The following FBXL17 variants were observed in gnomAD, a reference collection of about 807,000 sequenced individuals.
The protein encoded by FBXL17 is F-box/LRR-repeat protein 17.
A neutral mutation model predicts 66.2 loss-of-function variants in FBXL17; 22 were observed. That is an observed-to-expected ratio of 0.33 (90% CI 0.24 to 0.47). The LOEUF is 0.47. FBXL17 is among the 20% of genes least tolerant of loss of function. The pLI is 1.00. For missense variants in FBXL17, 878 were observed against 948.2 expected, an observed-to-expected ratio of 0.93 and a Z score of 0.97; for synonymous variants, 474 against 400.5, an observed-to-expected ratio of 1.18 and a Z score of -2.19.
intron 7 of FBXL17, among the ~76,000 whole-genome samples, chr5:108,008,731 A>G (rs1366788818): frequency 6.6e-6 from 1 of 152,008 alleles, no homozygotes; most frequent in Non-Finnish European, 1.5e-5. Context: ...GTTGCTCCCT[A>G]TACAAGTGCC....
intron 4 of FBXL17, among the ~76,000 whole-genome samples, chr5:108,336,310 C>T (rs926212533): frequency 1.3e-5 from 2 of 152,056 alleles, no homozygotes; most frequent in Non-Finnish European, 2.9e-5. Flanking sequence ...TTATTGGTAC[C>T]AAGAAGCAAA....
intron 7 of FBXL17, among the ~76,000 whole-genome samples, chr5:107,883,390 C>T (rs1050330113): frequency 6.6e-6 from 1 of 151,890 alleles, no homozygotes; most frequent in African/African-American, 2.4e-5. Flanking sequence ...AGTGGTGGAA[C>T]TGCAGTGTGA....
At chr5:108,204,904 A>G (rs1241955549) in intron 5 of FBXL17, among the ~76,000 whole-genome samples, 2 of 151,880 alleles carry the variant, frequency 1.3e-5, no homozygotes, top group Non-Finnish European at 2.9e-5. Context: ...TCGATTATCA[A>G]TATTTTGCAT....
chr5:108,042,885 C>A (rs1747106137), intron 6 of FBXL17, among the ~76,000 whole-genome samples: 1 of 152,126 alleles, frequency 6.6e-6, no homozygotes, highest in Admixed American at 6.5e-5. Context: ...TCTTAACATC[C>A]TCAACAGCAT....
At chr5:107,953,101 A>T (rs976853905) in intron 7 of FBXL17, among the ~76,000 whole-genome samples, 2 of 3,514 alleles carry the variant, frequency 5.7e-4, no homozygotes, top group Admixed American at 2.2e-3. Context: ...TTCATACTTT[A>T]AAAAAAAAAG....
At chr5:108,043,661 A>G (rs911387127) in intron 6 of FBXL17, among the ~76,000 whole-genome samples, 1 of 152,176 alleles carries the variant, frequency 6.6e-6, no homozygotes, top group Non-Finnish European at 1.5e-5. Context: ...GAGTAAATGT[A>G]TTCCCCCAAC....
intron 6 of FBXL17, among the ~76,000 whole-genome samples, chr5:108,078,366 T>C (rs1181655901): frequency 6.6e-6 from 1 of 152,216 alleles, no homozygotes; most frequent in Non-Finnish European, 1.5e-5. Flanking sequence ...GGTTGTCATA[T>C]GTGAAACTTT....
At chr5:107,990,358 T>C (rs1009386604) in intron 7 of FBXL17, among the ~76,000 whole-genome samples, 2 of 152,208 alleles carry the variant, frequency 1.3e-5, no homozygotes, top group Non-Finnish European at 2.9e-5. Context: ...TTTTTAAAAT[T>C]AGAGTTCTGC....
intron 4 of FBXL17, among the ~76,000 whole-genome samples, chr5:108,293,196 A>G (rs1758193530): frequency 6.6e-6 from 1 of 152,102 alleles, no homozygotes; most frequent in Non-Finnish European, 1.5e-5. Context: ...CATACTTTAA[A>G]TATTTCTTGG....
At chr5:107,915,823 T>C (rs6874672) in intron 7 of FBXL17, among the ~76,000 whole-genome samples, 119,586 of 152,134 alleles carry the variant, frequency 0.79, 47,368 homozygotes, top group Middle Eastern at 0.81. Flanking sequence ...TGCTAGTTCC[T>C]GCTGTTCCCC....
chr5:108,372,862 T>C (rs1357902020), intron 1 of FBXL17, among the ~76,000 whole-genome samples: 3 of 152,146 alleles, frequency 2.0e-5, no homozygotes, highest in Non-Finnish European at 4.4e-5. Context: ...GGTATTTACA[T>C]AGGTAAATAT....
At chr5:108,261,145 G>T (rs192645154) in intron 4 of FBXL17, among the ~76,000 whole-genome samples, 2 of 152,002 alleles carry the variant, frequency 1.3e-5, no homozygotes, top group South Asian at 2.1e-4. Flanking sequence ...TCAAACTGTG[G>T]TCCTTCCTAA....
chr5:108,231,110 A>C (rs1755319578), intron 4 of FBXL17, among the ~76,000 whole-genome samples: 2 of 152,270 alleles, frequency 1.3e-5, no homozygotes, highest in Non-Finnish European at 2.9e-5. Flanking sequence ...TGAAGCAAAA[A>C]CTAAATGGCT....
At chr5:107,967,508 A>T (rs1752195068) in intron 7 of FBXL17, among the ~76,000 whole-genome samples, 1 of 128,842 alleles carries the variant, frequency 7.8e-6, no homozygotes, top group Non-Finnish European at 1.6e-5. Flanking sequence ...AGGAAGGGGA[A>T]CATCACACAC....
chr5:107,881,021 G>C lies in FBXL17; in HGVS notation c.1965+16C>G, dbSNP rs760567317. 3.1e-6 allele frequency: 5 copies of C among 1,613,938 alleles called. No individual in the cohort carries two copies. The highest frequency in any genetic ancestry group is 3.3e-5 in the Admixed American group (2 of 59,998). The stretch of plus-strand genomic sequence containing the variant: ...CTGATATGTAGAAAGCAAACAACTT[G>C]ATAGTCAACTCTTACTTTATCACAT... On this transcript the variant is annotated intron_variant, in intron 8 of 8. Transcript: ENST00000542267.
intron 7 of FBXL17, among the ~76,000 whole-genome samples, chr5:107,913,561 T>A (rs1005582991): frequency 6.6e-6 from 1 of 152,022 alleles, no homozygotes; most frequent in African/African-American, 2.4e-5. Context: ...TTTCAAAAGA[T>A]TTAGAGCTCC....
Position 108,381,729 on chromosome 5 carries a change from A to G in FBXL17, c.-38T>C. 7.1e-7 allele frequency: 1 copy of G among 1,398,938 alleles called. No individual in the cohort carries two copies. The highest frequency in any genetic ancestry group is 9.2e-7 in the Non-Finnish European group (1 of 1,083,614). 86.7% of individuals were successfully genotyped at this position (1,398,938 alleles called of 1,614,324 possible). ...GAGGAGGGGGACCGGGACGGGAGGG[A>G]GGGAGACCCAGAGAGGCGGGCTCCC... On this transcript the variant is annotated 5_prime_UTR_variant, in exon 1 of 9. Coordinates refer to ENST00000542267, the MANE Select transcript of FBXL17 (RefSeq NM_001163315.3).
chr5:107,879,226 G>C, intron 8 of FBXL17: 3 of 985,424 alleles, frequency 3.0e-6, no homozygotes, highest in Non-Finnish European at 3.6e-6. Context: ...GAGAATGGCT[G>C]CGGACACATA....
rs573990584 is a variant in FBXL17 at position 108,029,469 on chromosome 5, G to A, written c.1746-8468C>T. Among the ~76,000 whole-genome samples, 14 of 152,128 alleles carry A rather than the reference G, an allele frequency of 9.2e-5. No homozygotes were observed. In the East Asian group the frequency reaches 2.7e-3, roughly 29 times the overall value. On this transcript the variant is annotated intron_variant, in intron 6 of 8. Coordinates refer to ENST00000542267, the MANE Select transcript of FBXL17 (RefSeq NM_001163315.3). Reference sequence around the variant, plus strand: ...TAAAACCTGCTTCCAAAGCTCTTGGGACTGCCATTGCTTTACTCTTATTTT... The same window carrying A: ...TAAAACCTGCTTCCAAAGCTCTTGGAACTGCCATTGCTTTACTCTTATTTT...
Sources: gnomAD v4.1 joint callset for allele counts (sites outside exome capture counted in the v4.1 genomes callset) on GRCh38, gnomAD v4.1.1 for gene constraint, MANE v1.5 for transcripts, NCBI Gene and HGNC (gene_info 2026-07-23, HGNC 2026-07-21) for gene names.